The following PLPP1 variants were observed in gnomAD, a reference collection of about 807,000 sequenced individuals.
PLPP1 encodes phospholipid phosphatase 1.
Under a neutral mutation model 31.2 loss-of-function variants are expected in PLPP1, and 24 were observed. The observed-to-expected ratio is 0.77, with a 90% CI of 0.56 to 1.08. The LOEUF (loss-of-function observed/expected upper bound fraction) is 1.08. PLPP1 is among the 50% of genes least tolerant of loss of function. PLPP1 has a pLI of 0.00. For missense variants in PLPP1, 319 were observed against 342.7 expected (o/e 0.93, Z 0.55); for synonymous variants, 146 against 126.3 (o/e 1.16, Z -1.05).
At chr5:55,466,641 T>G (rs1428545173) in intron 3 of PLPP1, among the ~76,000 whole-genome samples, 1 of 151,470 alleles carries the variant, frequency 6.6e-6, no homozygotes, top group East Asian at 1.9e-4. Context: ...AGGCAGAGGC[T>G]GCAGTGAGCC....
intron 1 of PLPP1, among the ~76,000 whole-genome samples, chr5:55,521,113 G>A (rs1184088441): frequency 6.6e-6 from 1 of 152,152 alleles, no homozygotes; most frequent in Non-Finnish European, 1.5e-5. Flanking sequence ...AGCATTCTGG[G>A]AGGCTGAGGT....
rs149476296 is a variant in PLPP1, at chr5:55,497,719, G to C, written c.59-22269C>G. On this transcript the variant is annotated intron_variant, in intron 1 of 5. Transcript: ENST00000307259. ...GTAATTTAAGGAGAGTTTAAGAAAG[G>C]GACTATTTACAAGGTGTGAAGGGTG... Among the ~76,000 whole-genome samples, 7 of 152,216 alleles carry C rather than the reference G, an allele frequency of 4.6e-5. No individual in the cohort carries two copies. In the East Asian group the frequency reaches 1.4e-3, roughly 29 times the overall value.
At chr5:55,484,335 G>A (rs1752732355) in intron 1 of PLPP1, 1 of 152,012 alleles carries the variant, frequency 6.6e-6, no homozygotes, top group Admixed American at 6.6e-5. Context: ...TGTAGTTAGA[G>A]TTGAGCCCTC....
At chr5:55,508,719 T>A (rs1753338170) in intron 1 of PLPP1, 1 of 153,768 alleles carries the variant, frequency 6.5e-6, no homozygotes, top group Non-Finnish European at 1.5e-5. Flanking sequence ...TTCAAACTTT[T>A]AGCTGAGGTA....
At chr5:55,508,455 C>T (rs756553544) in intron 1 of PLPP1, among the ~76,000 whole-genome samples, 33 of 152,160 alleles carry the variant, frequency 2.2e-4, no homozygotes, top group Non-Finnish European at 3.8e-4. Context: ...CAATATATCC[C>T]AAGTACTTAA....
intron 1 of PLPP1, among the ~76,000 whole-genome samples, chr5:55,492,843 G>T (rs1390579121): frequency 2.6e-5 from 4 of 152,168 alleles, no homozygotes; most frequent in Admixed American, 6.5e-5. Flanking sequence ...GCTGAAACTA[G>T]GAAGTGGTGG....
chr5:55,512,469 A>G (rs76924817), intron 1 of PLPP1, among the ~76,000 whole-genome samples: 2 of 17,532 alleles, frequency 1.1e-4, no homozygotes, highest in African/African-American at 1.6e-4. Context: ...AGACTGTCTC[A>G]AAAAAAAAAA....
rs534079662 is a variant in PLPP1, at chr5:55,516,387, C to T, written c.58+18185G>A. On this transcript the variant is annotated intron_variant, in intron 1 of 5. Transcript: ENST00000307259. ...TACCTCATCCTCCTTTTTTTTAGAC[C>T]CCTTATTATAAACTATCATAGCACC... 1.3e-4 allele frequency among the ~76,000 whole-genome samples: 20 copies of T among 151,818 alleles called. No homozygotes were observed. The South Asian group carries it at 4.2e-3, about 32-fold the overall frequency.
chr5:55,468,599 C>T (rs548859371), intron 2 of PLPP1, among the ~76,000 whole-genome samples: 118 of 152,058 alleles, frequency 7.8e-4, no homozygotes, highest in African/African-American at 2.8e-3. Flanking sequence ...GTCAGGAGTT[C>T]GAGACCAGCC....
intron 3 of PLPP1, among the ~76,000 whole-genome samples, chr5:55,445,543 T>C (rs1164983627): frequency 0.011 from 330 of 29,766 alleles, 3 homozygotes; most frequent in African/African-American, 0.024. Context: ...CTCTTTTTTT[T>C]TTTTTTTTTT....
chr5:55,437,525 GA>G (rs1231661814), intron 4 of PLPP1, among the ~76,000 whole-genome samples: 15 of 148,090 alleles, frequency 1.0e-4, no homozygotes, highest in South Asian at 6.3e-4. Flanking sequence ...ACCTTTCACT[GA>G]AAAAAAAAAA....
At chr5:55,492,797 A>G (rs971597146) in intron 1 of PLPP1, among the ~76,000 whole-genome samples, 1 of 152,178 alleles carries the variant, frequency 6.6e-6, no homozygotes, top group Non-Finnish European at 1.5e-5. Context: ...CTTTTTTCAT[A>G]TAACGTTGTT....
intron 4 of PLPP1, among the ~76,000 whole-genome samples, chr5:55,438,730 T>C (rs1428038633): frequency 6.6e-6 from 1 of 152,130 alleles, no homozygotes; most frequent in Admixed American, 6.5e-5. Context: ...TAAAACCCTG[T>C]CTCTACTAAA....
At position 55,534,669 on chromosome 5, in the gene PLPP1, G is replaced by A. The variant is rs1296229679; in HGVS notation, c.-40C>T. ...CTGCCCGGCAAGGGCGATGGACTGA[G>A]CTGCGGGACGGCGGCCGAGGCCCTT... On this transcript the variant is annotated 5_prime_UTR_variant, in exon 1 of 6. Coordinates refer to ENST00000307259, the MANE Select transcript of PLPP1 (RefSeq NM_003711.4). The A allele has an allele frequency of 2.6e-6, 4 of 1,517,698 alleles. No homozygotes were observed. Among genetic ancestry groups the A allele is most frequent in the East Asian group, 2.7e-5 (1 of 36,712 alleles). The allele number at this position is 1,517,698 out of a possible 1,614,324, so 94.0% of individuals were successfully genotyped here. A position where few individuals can be genotyped will look rare whatever the true frequency, so the allele number is the denominator to read the frequency against.
At chr5:55,533,761 G>A (rs893800314) in intron 1 of PLPP1, among the ~76,000 whole-genome samples, 10 of 152,160 alleles carry the variant, frequency 6.6e-5, no homozygotes, top group Admixed American at 6.5e-4. Context: ...CATAAAAAGT[G>A]AAAACTACTC....
chr5:55,516,586 A>G (rs1037456566), intron 1 of PLPP1, among the ~76,000 whole-genome samples: 13 of 152,220 alleles, frequency 8.5e-5, no homozygotes, highest in African/African-American at 3.1e-4. Context: ...CAAGGAGAAC[A>G]TACAGATTAA....
At chr5:55,480,488 T>C (rs921116453) in intron 1 of PLPP1, among the ~76,000 whole-genome samples, 56 of 152,060 alleles carry the variant, frequency 3.7e-4, no homozygotes, top group African/African-American at 1.4e-3. Context: ...ACTCATCTGC[T>C]ATCTGTCTCT....
chr5:55,503,991 T>C (rs929826883), intron 1 of PLPP1, among the ~76,000 whole-genome samples: 17 of 151,420 alleles, frequency 1.1e-4, no homozygotes, highest in African/African-American at 4.1e-4. Flanking sequence ...TTAAGACTAA[T>C]GGAACGGGTG....
chr5:55,441,953 CA>C (rs1325189519), intron 3 of PLPP1, 45 bp from the exon 4 acceptor site: 2 of 1,555,604 alleles, frequency 1.3e-6, no homozygotes, highest in East Asian at 2.2e-5. Context: ...TCTTAGGAGC[CA>C]AAAGTATTGT....
Sources: allele counts gnomAD v4.1 joint callset (sites outside exome capture counted in the v4.1 genomes callset), GRCh38; gene constraint gnomAD v4.1.1; transcripts MANE v1.5; gene names NCBI Gene and HGNC (gene_info 2026-07-23, HGNC 2026-07-21).